The following YWHAH variants were observed in gnomAD, a reference collection of about 807,000 sequenced individuals.
The protein encoded by YWHAH is 14-3-3 protein eta.
In YWHAH, 6 loss-of-function variants were observed where a neutral mutation model predicts 22.9. That is an observed-to-expected ratio of 0.26 (90% CI 0.14 to 0.52). The LOEUF is 0.52. Among genes scored for constraint, YWHAH ranks in the 20% least tolerant of loss-of-function variants. The pLI is 0.97. For synonymous variants in YWHAH, 135 were observed against 124.5 expected (o/e 1.08, Z -0.56); for missense variants, 173 against 308.6 (o/e 0.56, Z 3.29).
intron 1 of YWHAH, among the ~76,000 whole-genome samples, chr22:31,955,687 C>T (rs1294353023): frequency 6.6e-6 from 1 of 152,120 alleles, no homozygotes; most frequent in Non-Finnish European, 1.5e-5. Context: ...ATGATCTGCC[C>T]GCCCTTGGCC....
At chr22:31,947,636 A>G (rs942481846) in intron 1 of YWHAH, among the ~76,000 whole-genome samples, 2 of 149,620 alleles carry the variant, frequency 1.3e-5, no homozygotes, top group Non-Finnish European at 3.0e-5. Flanking sequence ...GCTCTATCTC[A>G]TACCTACCAG....
intron 1 of YWHAH, among the ~76,000 whole-genome samples, chr22:31,951,321 T>C (rs75009211): frequency 0.1 from 15,255 of 152,266 alleles, 1,072 homozygotes; most frequent in South Asian, 0.25. Flanking sequence ...AATCATTTAC[T>C]CATATCAAAA....
At chr22:31,954,751 T>C (rs1356767895) in intron 1 of YWHAH, among the ~76,000 whole-genome samples, 1 of 152,150 alleles carries the variant, frequency 6.6e-6, no homozygotes, top group Non-Finnish European at 1.5e-5. Context: ...ATTCTTCCTG[T>C]GTGTGTGTCA....
chr22:31,956,523 T>G lies in YWHAH; in HGVS notation c.472T>G (p.Phe158Val), dbSNP rs1191063867. The change falls in exon 2 of 2, where the codon TTT (phenylalanine) becomes GTT (valine). Residue 158 changes from phenylalanine to valine, a missense_variant. Coordinates refer to ENST00000248975, the MANE Select transcript of YWHAH (RefSeq NM_003405.4). This position sits in a 1 kb window ranked among gnomAD's most constrained non-coding sequence, Gnocchi z 5.1. ...EASEAAYKEA[F>V]EISKEQMQPT... ...TTCTGAAGCTGCCTACAAGGAAGCC[T>G]TTGAAATCAGCAAAGAGCAGATGCA... 1.2e-6 allele frequency: 2 copies of G among 1,614,182 alleles called. No homozygotes were observed.
intron 1 of YWHAH, chr22:31,945,172 C>T: frequency 2.7e-6 from 3 of 1,122,414 alleles, no homozygotes; most frequent in South Asian, 4.5e-5. Context: ...GAGCGTTTCA[C>T]CGGACCCGGG....
At position 31,956,626 on chromosome 22, in the gene YWHAH, A is replaced by C; in HGVS notation, c.575A>C (p.Gln192Pro). 1 of 1,614,180 alleles carries C rather than the reference A, an allele frequency of 6.2e-7. No homozygotes were observed. The change falls in exon 2 of 2, where the codon CAA becomes CCA. Residue 192 changes from glutamine to proline, a missense_variant. By Grantham distance (76) the Gln-to-Pro change is moderately conservative. Transcript: ENST00000248975. This position sits in a 1 kb window ranked among gnomAD's most constrained non-coding sequence, Gnocchi z 5.1. ...TATGAGATCCAGAATGCACCTGAGC[A>C]AGCCTGCCTCTTAGCCAAACAAGCC... ...FYYEIQNAPE[Q>P]ACLLAKQAFD...
intron 1 of YWHAH, chr22:31,945,322 G>C (rs1304866294): frequency 8.2e-7 from 1 of 1,225,616 alleles, no homozygotes; most frequent in Non-Finnish European, 1.0e-6. Context: ...CGTTCGAATT[G>C]TTCTGGTTCC....
chr22:31,944,772 G>T lies in YWHAH; in HGVS notation c.39G>T (p.Leu13=). 7.0e-7 allele frequency: 1 copy of T among 1,424,152 alleles called. No individual in the cohort carries two copies. Among genetic ancestry groups the T allele is most frequent in the East Asian group, 3.2e-5 (1 of 31,060 alleles). The allele number at this position is 1,424,152 out of a possible 1,614,324, so 88.2% of individuals were successfully genotyped here. A position where few individuals can be genotyped will look rare whatever the true frequency, so the allele number is the denominator to read the frequency against. ...DREQLLQRAR[L]AEQAERYDDM... ...AGCAGCTGCTGCAGCGGGCGCGGCT[G>T]GCCGAGCAGGCGGAGCGCTACGACG... The change falls in exon 1 of 2, where the codon CTG becomes CTT. Residue 13 remains leucine (L), a synonymous_variant. Transcript: ENST00000248975.
rs1364527670 is a variant in YWHAH at position 31,944,714 on chromosome 22, G to A, written c.-20G>A. 7.3e-7 allele frequency: 1 copy of A among 1,377,434 alleles called. No homozygotes were observed. Among genetic ancestry groups the A allele is most frequent in the South Asian group, 1.5e-5 (1 of 68,470 alleles). The allele number at this position is 1,377,434 out of a possible 1,614,324, so 85.3% of individuals were successfully genotyped here. A position where few individuals can be genotyped will look rare whatever the true frequency, so the allele number is the denominator to read the frequency against. Reference sequence around the variant, plus strand: ...GAGCCAGCGGTGTGAGGCGCGAGGCGAGGCCGAGCCGCGAGCGACATGGGG... The same window carrying A: ...GAGCCAGCGGTGTGAGGCGCGAGGCAAGGCCGAGCCGCGAGCGACATGGGG... On this transcript the variant is annotated 5_prime_UTR_variant, in exon 1 of 2. Transcript: ENST00000248975.
In YWHAH at chr22:31,956,344, A is replaced by G. The variant is rs915352146; in HGVS notation, c.293A>G (p.Asn98Ser). The change falls in exon 2 of 2, where the codon AAT becomes AGT. Residue 98 changes from asparagine to serine, a missense_variant. Transcript: ENST00000248975. The surrounding 1 kb of genome is among the most constrained non-coding windows in gnomAD (Gnocchi z 5.1). ...KIEKELETVC[N>S]DVLSLLDKFL... ...GAGAAGGAGCTGGAGACAGTTTGCA[A>G]TGATGTCCTGTCTCTGCTTGACAAG... is the stretch of plus-strand genomic sequence containing the variant. 11 of 1,614,004 alleles carry G rather than the reference A, an allele frequency of 6.8e-6. No homozygotes were observed. Among genetic ancestry groups the G allele is most frequent in the Admixed American group, 1.7e-5 (1 of 59,994 alleles).
At chr22:31,945,066 G>T in intron 1 of YWHAH, 3 of 1,104,796 alleles carry the variant, frequency 2.7e-6, no homozygotes, top group Non-Finnish European at 3.3e-6. Context: ...AGCCCCGGAA[G>T]GGGGGCGGGC....
chr22:31,947,266 C>G (rs1476729283), intron 1 of YWHAH, among the ~76,000 whole-genome samples: 3 of 152,218 alleles, frequency 2.0e-5, no homozygotes, highest in Non-Finnish European at 4.4e-5. Flanking sequence ...AGGATATATT[C>G]TGATGCCACC....
At chr22:31,946,795 A>G (rs1042730042) in intron 1 of YWHAH, among the ~76,000 whole-genome samples, 1 of 152,232 alleles carries the variant, frequency 6.6e-6, no homozygotes, top group Admixed American at 6.5e-5. Flanking sequence ...ACTTGTGTCC[A>G]TAGATCTTCT....
At chr22:31,948,388 AT>A (rs34020759) in intron 1 of YWHAH, among the ~76,000 whole-genome samples, 43,386 of 146,082 alleles carry the variant, frequency 0.3, 6,403 homozygotes, top group African/African-American at 0.36. Flanking sequence ...TGTGATTAGT[AT>A]TTTTTTTTTT....
chr22:31,950,023 A>G (rs948159012), intron 1 of YWHAH, among the ~76,000 whole-genome samples: 1 of 150,244 alleles, frequency 6.7e-6, no homozygotes, highest in African/African-American at 2.5e-5. Flanking sequence ...ACAGAGAAAC[A>G]TAAGAGGGAA....
rs1047502904 is a variant in YWHAH at position 31,956,985 on chromosome 22, G to A, written c.*193G>A. ...GCATTGCTGGACTGATGGTTGCTTTGAGCCCACAGGAGCTCCCTTTTTGAA... is the reference window on the plus strand; with the variant it reads ...GCATTGCTGGACTGATGGTTGCTTTAAGCCCACAGGAGCTCCCTTTTTGAA... On this transcript the variant is annotated 3_prime_UTR_variant, in exon 2 of 2. Transcript: ENST00000248975. The surrounding 1 kb of genome is among the most constrained non-coding windows in gnomAD (Gnocchi z 5.1). 1.5e-6 allele frequency: 1 copy of A among 656,522 alleles called. No homozygotes were observed. Among genetic ancestry groups the A allele is most frequent in the African/African-American group, 1.8e-5 (1 of 55,102 alleles). The allele number at this position is 656,522 out of a possible 1,614,324, so 40.7% of individuals were successfully genotyped here.
At chr22:31,947,590 A>G in intron 1 of YWHAH, 1 of 441,454 alleles carries the variant, frequency 2.3e-6, no homozygotes, top group Non-Finnish European at 4.7e-6. Flanking sequence ...GAAGCAAGAA[A>G]TGTTTCTGAA....
chr22:31,945,398 C>G (rs2093832530), intron 1 of YWHAH: 1 of 1,298,216 alleles, frequency 7.7e-7, no homozygotes. Context: ...TAGGCGTGGA[C>G]GGGGGCGGGA....
chr22:31,956,659 A>C lies in YWHAH; in HGVS notation c.608A>C (p.Asp203Ala), dbSNP rs759037761. 1 of 1,614,164 alleles carries C rather than the reference A, an allele frequency of 6.2e-7. No individual in the cohort carries two copies. Among genetic ancestry groups the C allele is most frequent in the East Asian group, 2.2e-5 (1 of 44,886 alleles). The stretch of plus-strand genomic sequence containing the variant: ...CTCTTAGCCAAACAAGCCTTCGATG[A>C]TGCCATAGCTGAGCTGGACACACTA... ...ACLLAKQAFD[D>A]AIAELDTLNE... The change falls in exon 2 of 2, where the codon GAT becomes GCT. Residue 203 changes from aspartate (D) to alanine (A), a missense_variant. Physicochemically the swap from Asp to Ala is moderately radical, Grantham distance 126. Coordinates refer to ENST00000248975, the MANE Select transcript of YWHAH (RefSeq NM_003405.4). The surrounding 1 kb of genome is among the most constrained non-coding windows in gnomAD (Gnocchi z 5.1).
Sources: gnomAD v4.1 joint callset for allele counts (sites outside exome capture counted in the v4.1 genomes callset) on GRCh38, gnomAD v4.1.1 for gene constraint, Gnocchi (gnomAD v3.1) non-coding constraint, MANE v1.5 for transcripts, NCBI Gene and HGNC (gene_info 2026-07-23, HGNC 2026-07-21) for gene names.